Variants in DGCR2 observed in about 807,000 individuals in gnomAD.
DGCR2 encodes integral membrane protein DGCR2/IDD.
A neutral mutation model predicts 51.6 loss-of-function variants in DGCR2; 24 were observed. That is an observed-to-expected ratio of 0.47 (90% CI 0.34 to 0.65). The LOEUF (loss-of-function observed/expected upper bound fraction) is 0.65. Ranked by LOEUF, DGCR2 falls within the 30% of genes least tolerant of loss-of-function variation. DGCR2 has a pLI of 0.01. For synonymous variants in DGCR2, 340 were observed against 315.4 expected, an observed-to-expected ratio of 1.08 and a Z score of -0.82; for missense variants, 765 against 772.1, an observed-to-expected ratio of 0.99 and a Z score of 0.11.
chr22:19,060,794 G>A (rs1270048089), intron 5 of DGCR2: 1 of 469,168 alleles, frequency 2.1e-6, no homozygotes, highest in South Asian at 1.6e-5. Flanking sequence ...CCCAGGCGGG[G>A]CTCACAGGCT....
At chr22:19,048,395 C>T in intron 7 of DGCR2, 45 bp downstream of exon 7, 1 of 1,606,826 alleles carries the variant, frequency 6.2e-7, no homozygotes, top group East Asian at 2.2e-5. Flanking sequence ...AGCCTCCAGC[C>T]CCAAATAGGG....
intron 1 of DGCR2, among the ~76,000 whole-genome samples, chr22:19,119,937 A>T (rs2083413954): frequency 6.6e-6 from 1 of 151,828 alleles, no homozygotes; most frequent in Admixed American, 6.6e-5. Context: ...CCTTCCTCAT[A>T]CTCAAGTATG....
At chr22:19,103,048 T>C (rs995777324) in intron 1 of DGCR2, among the ~76,000 whole-genome samples, 1 of 152,136 alleles carries the variant, frequency 6.6e-6, no homozygotes, top group Non-Finnish European at 1.5e-5. Context: ...GTTACATATA[T>C]CTTACCACAA....
chr22:19,039,045 C>G lies in DGCR2; in HGVS notation c.1473G>C (p.Arg491=). The change falls in exon 10 of 10, where the codon CGG becomes CGC. Residue 491 remains arginine, a synonymous_variant. Transcript: ENST00000263196. The part of the protein sequence containing the change: ...GDGGSEGALL[R]RLEQPLPTAG... ...CAGTGGGCAGAGGCTGCTCCAGGCG[C>G]CGGAGTAATGCACCTTCACTCCCAC... The G allele has an allele frequency of 6.2e-7, 1 of 1,613,090 alleles. No homozygotes were observed. The highest frequency in any genetic ancestry group is 8.5e-7 in the Non-Finnish European group (1 of 1,179,950).
At chr22:19,056,789 G>A (rs567321201) in intron 6 of DGCR2, among the ~76,000 whole-genome samples, 197 bp downstream of exon 6, 4 of 152,152 alleles carry the variant, frequency 2.6e-5, no homozygotes, top group East Asian at 3.9e-4. Context: ...AGATGCTTCC[G>A]TGGGCTCTAA....
intron 1 of DGCR2, among the ~76,000 whole-genome samples, chr22:19,103,413 GTTCTTTTTT>G (rs2083226165): frequency 1.1e-5 from 1 of 87,568 alleles, no homozygotes; most frequent in East Asian, 3.9e-4. Flanking sequence ...AATAAAAAAA[GTTCTTTTTT>G]TTTTTTTTTT....
Position 19,064,937 on chromosome 22 carries a change from G to A in DGCR2, c.459C>T (p.Ala153=). ...GCAGCTCCTGGTCAGTGGAGAAGGT[G>A]GCGAGAGAGCCATTCAGGCGCTGGC... ...QTCQRLNGSL[A]TFSTDQELRF... is the part of the protein sequence containing the mutation. Residue 153 remains alanine, a synonymous_variant, in exon 4 of 10, where the codon GCC becomes GCT. Coordinates refer to ENST00000263196, the MANE Select transcript of DGCR2 (RefSeq NM_005137.3). 1 of 1,614,024 alleles carries A rather than the reference G, an allele frequency of 6.2e-7. No individual in the cohort carries two copies. The highest frequency in any genetic ancestry group is 8.5e-7 in the Non-Finnish European group (1 of 1,180,050).
At chr22:19,061,157 C>T (rs2082658641) in intron 5 of DGCR2, 1 of 232,994 alleles carries the variant, frequency 4.3e-6, no homozygotes. Context: ...GGGGGGCCAA[C>T]ACCTCAGACC....
chr22:19,073,898 T>A (rs776896366), intron 2 of DGCR2, among the ~76,000 whole-genome samples: 33 of 151,870 alleles, frequency 2.2e-4, no homozygotes, highest in Non-Finnish European at 4.1e-4. Flanking sequence ...GAGACACAGG[T>A]GAGAGTGACT....
chr22:19,093,367 A>G (rs1277841757), intron 1 of DGCR2, among the ~76,000 whole-genome samples: 3 of 152,056 alleles, frequency 2.0e-5, no homozygotes, highest in Admixed American at 1.3e-4. Flanking sequence ...CCTCGAAAAA[A>G]AAAAAAAAAA....
At chr22:19,074,069 A>G (rs1375159653) in intron 2 of DGCR2, among the ~76,000 whole-genome samples, 1 of 152,252 alleles carries the variant, frequency 6.6e-6, no homozygotes, top group Non-Finnish European at 1.5e-5. Context: ...ACTTAAAAAG[A>G]AAAGATATAT....
intron 1 of DGCR2, among the ~76,000 whole-genome samples, chr22:19,109,355 T>C (rs910685453): frequency 3.9e-5 from 6 of 152,204 alleles, no homozygotes; most frequent in Non-Finnish European, 8.8e-5. Context: ...ATACCTATGC[T>C]CACAGAAGTA....
chr22:19,105,400 C>T (rs564775534), intron 1 of DGCR2, among the ~76,000 whole-genome samples: 3 of 152,274 alleles, frequency 2.0e-5, no homozygotes, highest in African/African-American at 4.8e-5. Flanking sequence ...GCATATTGCT[C>T]GGTGACCTTC....
At chr22:19,089,515 C>T (rs755325839) in intron 1 of DGCR2, 25 bp from the exon 2 acceptor site, 3 of 1,515,654 alleles carry the variant, frequency 2.0e-6, no homozygotes, top group South Asian at 2.5e-5. Flanking sequence ...GGTGAGAGGC[C>T]ATTGAGGAAG....
In DGCR2 at chr22:19,057,192, C is replaced by T; in HGVS notation, c.626-30G>A. ...TGGGGAGACAAAAGGTGGGGCTGGA[C>T]AACATCACATCAGAGGACAAGCTGT... is the stretch of plus-strand genomic sequence containing the variant. On this transcript the variant is annotated intron_variant, in intron 5 of 9. Coordinates refer to ENST00000263196, the MANE Select transcript of DGCR2 (RefSeq NM_005137.3). The surrounding 1 kb of genome is among the most constrained non-coding windows in gnomAD (Gnocchi z 5.1). 1 of 1,568,608 alleles carries T rather than the reference C, an allele frequency of 6.4e-7. No homozygotes were observed. The highest frequency in any genetic ancestry group is 8.6e-7 in the Non-Finnish European group (1 of 1,156,420).
chr22:19,105,714 G>C (rs1275925795), intron 1 of DGCR2, among the ~76,000 whole-genome samples: 1 of 151,730 alleles, frequency 6.6e-6, no homozygotes, highest in African/African-American at 2.4e-5. Context: ...GCGTCAGACA[G>C]AGAGCAGACC....
At chr22:19,107,762 T>C (rs2083273654) in intron 1 of DGCR2, among the ~76,000 whole-genome samples, 1 of 152,100 alleles carries the variant, frequency 6.6e-6, no homozygotes, top group Non-Finnish European at 1.5e-5. Context: ...GCTACATACT[T>C]GGGAATAAGA....
In DGCR2 at chr22:19,089,371, G is replaced by C; in HGVS notation, c.199C>G (p.Pro67Ala). 6.2e-7 allele frequency: 1 copy of C among 1,605,104 alleles called. No individual in the cohort carries two copies. Among genetic ancestry groups the C allele is most frequent in the Non-Finnish European group, 8.5e-7 (1 of 1,175,222 alleles). ...CEDESDEANCPEVTGEVRPHH... is the reference protein window; with the variant it reads ...CEDESDEANCAEVTGEVRPHH... ...CCCGCCTACTCAACACACTCACCTG[G>C]ACAGTTGGCTTCGTCGCTCTCATCC... Residue 67 changes from proline (P) to alanine (A), a missense_variant, in exon 2 of 10, where the codon CCA becomes GCA. Transcript: ENST00000263196.
chr22:19,118,620 G>C (rs956115749), intron 1 of DGCR2, among the ~76,000 whole-genome samples: 1 of 152,090 alleles, frequency 6.6e-6, no homozygotes, highest in African/African-American at 2.4e-5. Flanking sequence ...GAAGGAAGAC[G>C]ACCTTCTAGT....
Sources: allele counts gnomAD v4.1 joint callset (sites outside exome capture counted in the v4.1 genomes callset), GRCh38; gene constraint gnomAD v4.1.1; non-coding constraint Gnocchi (gnomAD v3.1); transcripts MANE v1.5; gene names NCBI Gene and HGNC (gene_info 2026-07-23, HGNC 2026-07-21).